TNR: variants seen among roughly 807,000 people sequenced by gnomAD.
TNR encodes tenascin R.
A neutral mutation model predicts 150.4 loss-of-function variants in TNR; 45 were observed. That is an observed-to-expected ratio of 0.30 (90% CI 0.24 to 0.38). The LOEUF is 0.38. Among genes scored for constraint, TNR ranks in the 10% least tolerant of loss-of-function variants. The pLI is 1.00. For missense variants in TNR, 1,544 were observed against 1,759.1 expected, an observed-to-expected ratio of 0.88 and a Z score of 2.19; for synonymous variants, 687 against 678.4, an observed-to-expected ratio of 1.01 and a Z score of -0.20.
intron 1 of TNR, among the ~76,000 whole-genome samples, chr1:175,690,303 A>G (rs904200214): frequency 1.3e-5 from 2 of 152,234 alleles, no homozygotes; most frequent in African/African-American, 2.4e-5. Context: ...TCTGGACATC[A>G]TAAGAGAATC....
intron 2 of TNR, among the ~76,000 whole-genome samples, chr1:175,503,880 T>A (rs1157107695): frequency 6.6e-6 from 1 of 152,144 alleles, no homozygotes. Flanking sequence ...ACGTGCAGCC[T>A]GCAGGGAATC....
chr1:175,347,634 C>T (rs1650858938), intron 18 of TNR, among the ~76,000 whole-genome samples: 1 of 151,938 alleles, frequency 6.6e-6, no homozygotes, highest in Non-Finnish European at 1.5e-5. Flanking sequence ...CATCATGTTG[C>T]CCAGGCTGTT....
intron 2 of TNR, among the ~76,000 whole-genome samples, chr1:175,430,278 C>T (rs1655205122): frequency 6.6e-6 from 1 of 152,074 alleles, no homozygotes; most frequent in Non-Finnish European, 1.5e-5. Flanking sequence ...AAAGTAATGG[C>T]AGTCATAGTA....
chr1:175,642,125 T>A (rs189297662), intron 1 of TNR, among the ~76,000 whole-genome samples: 1 of 151,990 alleles, frequency 6.6e-6, no homozygotes, highest in East Asian at 1.9e-4. Context: ...CCCAAATGGA[T>A]AAGAAATGAC....
Position 175,682,182 on chromosome 1 carries a change from A to T in TNR, c.-165+61044T>A, listed in dbSNP as rs188162998. Among the ~76,000 whole-genome samples the T allele has an allele frequency of 1.1e-3, 163 of 152,302 alleles. 2 individuals are homozygous for T. Among genetic ancestry groups the T allele is most frequent in the Non-Finnish European group, 1.2e-3 (82 of 68,018 alleles). On this transcript the variant is annotated intron_variant, in intron 1 of 22. Coordinates refer to ENST00000367674, the MANE Select transcript of TNR (RefSeq NM_003285.3). ...GAATTGAGCCTGAAGTAACAAACATAAGGACCCTCTGAAAAAGTTACAATG... is the reference window on the plus strand; with the variant it reads ...GAATTGAGCCTGAAGTAACAAACATTAGGACCCTCTGAAAAAGTTACAATG...
intron 2 of TNR, among the ~76,000 whole-genome samples, chr1:175,507,271 A>T (rs949073407): frequency 4.6e-5 from 7 of 152,126 alleles, no homozygotes; most frequent in Admixed American, 2.0e-4. Context: ...ACGAGATTTC[A>T]TGGGTTGCCT....
intron 2 of TNR, among the ~76,000 whole-genome samples, chr1:175,501,213 A>G (rs1314700655): frequency 6.6e-6 from 1 of 152,222 alleles, no homozygotes; most frequent in African/African-American, 2.4e-5. Context: ...GTGAAGTATC[A>G]GACACACTCT....
At position 175,375,914 on chromosome 1, in the gene TNR, T is replaced by A. The variant is rs1368518765; in HGVS notation, c.1963+3638A>T. ...TCATTTAATTCTCGCTACAACCCAA[T>A]GAGGTAGATAGGATGTCTTTTAGAT... On this transcript the variant is annotated intron_variant, in intron 9 of 22. Transcript: ENST00000367674. Among the ~76,000 whole-genome samples the A allele has an allele frequency of 4.6e-5, 7 of 152,200 alleles. No homozygotes were observed. The East Asian group carries it at 1.3e-3, about 29-fold the overall frequency.
At chr1:175,650,308 G>C (rs568924317) in intron 1 of TNR, among the ~76,000 whole-genome samples, 1 of 152,042 alleles carries the variant, frequency 6.6e-6, no homozygotes, top group South Asian at 2.1e-4. Flanking sequence ...TCTTGAACCC[G>C]GGAGGCGGAG....
intron 2 of TNR, among the ~76,000 whole-genome samples, chr1:175,409,133 C>G (rs552061851): frequency 3.3e-5 from 5 of 152,244 alleles, no homozygotes; most frequent in Non-Finnish European, 5.9e-5. Context: ...CTTCTACCCT[C>G]CTATCATTGA....
intron 21 of TNR, 78 bp from the exon 22 acceptor site, chr1:175,324,597 C>T (rs1450300663): frequency 6.6e-7 from 1 of 1,521,286 alleles, no homozygotes; most frequent in African/African-American, 1.4e-5. Context: ...TGACCCACTT[C>T]CAGCAAACCT....
At chr1:175,502,724 C>T (rs555410187) in intron 2 of TNR, among the ~76,000 whole-genome samples, 3 of 152,176 alleles carry the variant, frequency 2.0e-5, no homozygotes, top group East Asian at 1.9e-4. Context: ...GATGCAGTGG[C>T]GAGGGTTACA....
At chr1:175,323,772 A>G (rs1416679726) in intron 22 of TNR, among the ~76,000 whole-genome samples, 1 of 152,194 alleles carries the variant, frequency 6.6e-6, no homozygotes, top group Non-Finnish European at 1.5e-5. Flanking sequence ...ATGGTTGTGA[A>G]ATCCCAACAG....
At chr1:175,545,402 GA>G (rs1175167500) in intron 1 of TNR, among the ~76,000 whole-genome samples, 1 of 119,370 alleles carries the variant, frequency 8.4e-6, no homozygotes, top group Non-Finnish European at 1.9e-5. Flanking sequence ...ACTGTGAAAA[GA>G]AAGAAATATA....
intron 2 of TNR, among the ~76,000 whole-genome samples, chr1:175,488,522 T>G (rs1361146236): frequency 1.3e-5 from 2 of 152,118 alleles, no homozygotes; most frequent in African/African-American, 4.8e-5. Flanking sequence ...GGAAATTGAT[T>G]TAGGGGGAGC....
intron 2 of TNR, among the ~76,000 whole-genome samples, chr1:175,445,168 G>T (rs558466643): frequency 7.0e-4 from 107 of 152,288 alleles, no homozygotes; most frequent in Non-Finnish European, 1.4e-3. Flanking sequence ...TACTCGGGAG[G>T]CAGAGGCAGG....
intron 9 of TNR, among the ~76,000 whole-genome samples, chr1:175,376,316 C>A (rs1652374148): frequency 6.6e-6 from 1 of 152,224 alleles, no homozygotes; most frequent in Non-Finnish European, 1.5e-5. Flanking sequence ...TTGTCAGAAG[C>A]ACTACCTTAA....
intron 1 of TNR, among the ~76,000 whole-genome samples, chr1:175,712,808 G>A (rs1264386540): frequency 6.6e-6 from 1 of 152,114 alleles, no homozygotes; most frequent in African/African-American, 2.4e-5. Context: ...GCAGATGCCA[G>A]CACCATACTT....
chr1:175,494,398 C>T (rs1658391331), intron 2 of TNR, among the ~76,000 whole-genome samples: 1 of 152,258 alleles, frequency 6.6e-6, no homozygotes, highest in Admixed American at 6.5e-5. Context: ...CGATGCAACT[C>T]TGCAGCAGTA....
Sources: allele counts gnomAD v4.1 joint callset (sites outside exome capture counted in the v4.1 genomes callset), GRCh38; gene constraint gnomAD v4.1.1; transcripts MANE v1.5; gene names NCBI Gene and HGNC (gene_info 2026-07-23, HGNC 2026-07-21).